Variants in CNTN1 observed in about 807,000 individuals in gnomAD.
The protein encoded by CNTN1 is contactin 1.
Under a neutral mutation model 126.4 loss-of-function variants are expected in CNTN1, and 38 were observed. The observed-to-expected ratio is 0.30, with a 90% CI of 0.23 to 0.39. CNTN1 has a LOEUF of 0.39. CNTN1 is among the 10% of genes least tolerant of loss of function. The probability of loss-of-function intolerance (pLI) is 1.00; values close to 1 mark genes in which losing one functional copy is unlikely to be tolerated. For synonymous variants in CNTN1, 413 were observed against 422.6 expected, an observed-to-expected ratio of 0.98 and a Z score of 0.28; for missense variants, 1,009 against 1,248.4, an observed-to-expected ratio of 0.81 and a Z score of 2.89.
intron 1 of CNTN1, among the ~76,000 whole-genome samples, chr12:40,813,766 C>T (rs548625855): frequency 6.6e-6 from 1 of 152,180 alleles, no homozygotes; most frequent in Non-Finnish European, 1.5e-5. Flanking sequence ...TGAGGAATCA[C>T]CATACTGTCT....
At chr12:40,847,800 G>A (rs930406644) in intron 1 of CNTN1, among the ~76,000 whole-genome samples, 1 of 152,212 alleles carries the variant, frequency 6.6e-6, no homozygotes, top group African/African-American at 2.4e-5. Flanking sequence ...GCCCCCAACC[G>A]TTTTGGCACC....
At chr12:40,738,312 C>G (rs1425653620) in intron 1 of CNTN1, among the ~76,000 whole-genome samples, 2 of 151,922 alleles carry the variant, frequency 1.3e-5, no homozygotes, top group South Asian at 2.1e-4. Context: ...GGGAAAATTG[C>G]TGTTTTATTT....
At chr12:41,022,905 T>C (rs1192919126) in intron 20 of CNTN1, among the ~76,000 whole-genome samples, 1 of 152,258 alleles carries the variant, frequency 6.6e-6, no homozygotes, top group Non-Finnish European at 1.5e-5. Flanking sequence ...TTTCTTAAAA[T>C]CCTTTTAAAC....
intron 1 of CNTN1, among the ~76,000 whole-genome samples, chr12:40,801,120 T>C (rs910324337): frequency 1.3e-5 from 2 of 151,392 alleles, no homozygotes; most frequent in Admixed American, 1.3e-4. Context: ...ACAAATACCC[T>C]TAGCCAAAGG....
intron 1 of CNTN1, among the ~76,000 whole-genome samples, chr12:40,701,955 C>A (rs923141626): frequency 5.9e-5 from 9 of 152,220 alleles, no homozygotes; most frequent in African/African-American, 2.2e-4. Context: ...TGTCAGCACC[C>A]AGGTACCCCG....
In CNTN1 at chr12:40,978,320, T is replaced by C. The variant is rs192070001; in HGVS notation, c.1805-2589T>C. 5.0e-3 allele frequency among the ~76,000 whole-genome samples: 764 copies of C among 152,084 alleles called. 2 individuals are homozygous for C. Among genetic ancestry groups the C allele is most frequent in the Middle Eastern group, 0.041 (12 of 294 alleles). On this transcript the variant is annotated intron_variant, in intron 15 of 23. Transcript: ENST00000551295. ...TGGGGAGATATTTGTAGGCAATTAC[T>C]AGATGGAAAAATCTACTTCATATCA...
At chr12:40,706,155 T>C (rs1423198880) in intron 1 of CNTN1, among the ~76,000 whole-genome samples, 1 of 151,882 alleles carries the variant, frequency 6.6e-6, no homozygotes, top group Non-Finnish European at 1.5e-5. Context: ...CTAGGGTACA[T>C]GTGCACAATG....
At chr12:40,888,203 T>C (rs1944116682) in intron 1 of CNTN1, among the ~76,000 whole-genome samples, 1 of 152,194 alleles carries the variant, frequency 6.6e-6, no homozygotes, top group Non-Finnish European at 1.5e-5. Flanking sequence ...TTTATAGTGA[T>C]AAATCAGTCT....
At chr12:40,803,700 G>A (rs1214499555) in intron 1 of CNTN1, among the ~76,000 whole-genome samples, 1 of 151,856 alleles carries the variant, frequency 6.6e-6, no homozygotes, top group Admixed American at 6.6e-5. Context: ...TATTATATAT[G>A]ATCTTTCAAG....
intron 23 of CNTN1, among the ~76,000 whole-genome samples, chr12:41,067,676 T>C (rs1188985483): frequency 1.3e-5 from 2 of 148,264 alleles, no homozygotes; most frequent in Non-Finnish European, 3.0e-5. Flanking sequence ...AGATGACGAG[T>C]TAGTGGGTGC....
intron 1 of CNTN1, among the ~76,000 whole-genome samples, chr12:40,786,892 C>T (rs552071022): frequency 1.1e-4 from 16 of 152,138 alleles, no homozygotes; most frequent in East Asian, 1.9e-4. Context: ...ATTATTTAAC[C>T]GGCCTCATTA....
intron 1 of CNTN1, among the ~76,000 whole-genome samples, chr12:40,706,109 T>G (rs796762922): frequency 1.1e-4 from 17 of 150,774 alleles, no homozygotes; most frequent in Non-Finnish European, 1.6e-4. Flanking sequence ...TATATATATA[T>G]ATAGATATAT....
At position 40,980,896 on chromosome 12, in the gene CNTN1, A is replaced by G. The variant is rs768395763; in HGVS notation, c.1805-13A>G. The G allele has an allele frequency of 6.2e-7, 1 of 1,613,496 alleles. No homozygotes were observed. Among genetic ancestry groups the G allele is most frequent in the Non-Finnish European group, 8.5e-7 (1 of 1,179,532 alleles). ...TGGAATTCACTGATTCATTACCCAC[A>G]TTTTCATTTCAGGCCCTCCAGGCCC... On this transcript the variant is annotated splice_polypyrimidine_tract_variant and intron_variant, in intron 15 of 23. Transcript: ENST00000551295.
intron 3 of CNTN1, among the ~76,000 whole-genome samples, chr12:40,913,934 A>G (rs1215539374): frequency 1.3e-5 from 2 of 152,224 alleles, no homozygotes; most frequent in East Asian, 3.8e-4. Flanking sequence ...TAGGAAATAA[A>G]TGTATTTGCA....
intron 1 of CNTN1, among the ~76,000 whole-genome samples, chr12:40,836,732 T>TGAGGAC (rs896982513): frequency 6.6e-6 from 1 of 152,182 alleles, no homozygotes; most frequent in African/African-American, 2.4e-5. Context: ...ATAATGGTGT[T>TGAGGAC]GACTGTAAAC....
At chr12:40,815,861 C>T (rs771236004) in intron 1 of CNTN1, among the ~76,000 whole-genome samples, 32 of 151,986 alleles carry the variant, frequency 2.1e-4, no homozygotes, top group Non-Finnish European at 4.0e-4. Context: ...TAACATGAAG[C>T]GATGTTGAAT....
intron 1 of CNTN1, among the ~76,000 whole-genome samples, chr12:40,840,596 A>T (rs1942238245): frequency 1.3e-5 from 2 of 151,190 alleles, no homozygotes; most frequent in African/African-American, 4.8e-5. Context: ...GTGAGACAGC[A>T]AAACAAGTCT....
intron 1 of CNTN1, among the ~76,000 whole-genome samples, chr12:40,802,530 T>C (rs1218949738): frequency 1.3e-5 from 2 of 152,014 alleles, no homozygotes; most frequent in African/African-American, 4.8e-5. Context: ...GCCAGTGCAG[T>C]CTTTTTTACA....
chr12:40,972,070 A>G (rs1212555270), intron 15 of CNTN1: 1 of 985,614 alleles, frequency 1.0e-6, no homozygotes, highest in Non-Finnish European at 1.2e-6. Context: ...AAGTCCTACC[A>G]TGGCTCTGTA....
Sources: gnomAD v4.1 joint callset for allele counts (sites outside exome capture counted in the v4.1 genomes callset) on GRCh38, gnomAD v4.1.1 for gene constraint, MANE v1.5 for transcripts, NCBI Gene and HGNC (gene_info 2026-07-23, HGNC 2026-07-21) for gene names.